SFT2D2: variants seen among roughly 807,000 people sequenced by gnomAD.
SFT2D2 encodes the protein SFT2 domain containing 2, also known as vesicle transport protein SFT2B.
SFT2D2 carries 21 observed loss-of-function variants against 27.4 expected under a neutral mutation model. The ratio of observed to expected loss-of-function variants is 0.77; its 90% CI spans 0.54 to 1.10. The LOEUF is 1.10. Among genes scored for constraint, SFT2D2 ranks in the 50% least tolerant of loss-of-function variants. The pLI, the probability that SFT2D2 is intolerant of heterozygous loss-of-function variation, is 0.00. For missense variants in SFT2D2, 187 were observed against 194.2 expected (o/e 0.96, Z 0.22); for synonymous variants, 72 against 71.7 (o/e 1.00, Z -0.02).
In SFT2D2 at chr1:168,248,084, A is replaced by C. The variant is rs1572458930; in HGVS notation, c.*5544A>C. 2.6e-5 allele frequency: 4 copies of C among 152,266 alleles called. No homozygotes were observed. The East Asian group carries it at 7.7e-4, about 29-fold the overall frequency. 9.4% of individuals were successfully genotyped at this position (152,266 alleles called of 1,614,324 possible). A position where few individuals can be genotyped will look rare whatever the true frequency, so the allele number is the denominator to read the frequency against. On this transcript the variant is annotated 3_prime_UTR_variant, in exon 8 of 8. Transcript: ENST00000271375. ...TGGATCTTAGCCCTTTGTCAGATGG[A>C]TAGATTGCAAAAATTTTCTCCCATT...
Position 168,243,920 on chromosome 1 carries a change from C to A in SFT2D2, c.*1380C>A, listed in dbSNP as rs114039306. On this transcript the variant is annotated 3_prime_UTR_variant, in exon 8 of 8. Coordinates refer to ENST00000271375, the MANE Select transcript of SFT2D2 (RefSeq NM_199344.3). The stretch of plus-strand genomic sequence containing the variant: ...CTGTCCCTTGTGTTCCCTTTCAGCT[C>A]CTCCTTGTTGCCTGACTACGATTAG... 2,304 of 152,592 alleles carry A rather than the reference C, an allele frequency of 0.015. 19 individuals are homozygous for A. Among genetic ancestry groups the A allele is most frequent in the Non-Finnish European group, 0.023 (1,566 of 68,228 alleles). The allele number at this position is 152,592 out of a possible 1,614,324, so 9.5% of individuals were successfully genotyped here.
At position 168,231,495 on chromosome 1, in the gene SFT2D2, T is replaced by C. The variant is rs11588504; in HGVS notation, c.64-19T>C. On this transcript the variant is annotated intron_variant, in intron 1 of 7. Transcript: ENST00000271375. ...TAGTAAATGTGTGTGTATATGTATT[T>C]TTTTTTTTTCAATTTTAGGTTGTTG... The C allele has an allele frequency of 0.61, 958,002 of 1,572,906 alleles. 298,296 individuals carry two copies. The highest frequency in any genetic ancestry group is 0.65 in the Non-Finnish European group (749,777 of 1,146,128).
At chr1:168,232,883 C>T (rs1240676625) in intron 3 of SFT2D2, among the ~76,000 whole-genome samples, 1 of 152,182 alleles carries the variant, frequency 6.6e-6, no homozygotes, top group Non-Finnish European at 1.5e-5. Flanking sequence ...AAGGTGATAT[C>T]TGAGCTGGCC....
intron 6 of SFT2D2, 128 bp from the exon 7 acceptor site, chr1:168,239,003 C>A: frequency 5.4e-6 from 4 of 734,290 alleles, no homozygotes; most frequent in Non-Finnish European, 9.7e-6. Context: ...GCTCATCCCC[C>A]AGGCTGAGTA....
intron 1 of SFT2D2, 80 bp from the exon 2 acceptor site, chr1:168,231,434 C>A: frequency 8.1e-7 from 1 of 1,230,828 alleles, no homozygotes; most frequent in Non-Finnish European, 1.2e-6. Context: ...TACAACTTAA[C>A]ACTTTCTAGA....
chr1:168,231,031 A>G (rs1055565428), intron 1 of SFT2D2, among the ~76,000 whole-genome samples: 1 of 152,216 alleles, frequency 6.6e-6, no homozygotes, highest in Admixed American at 6.5e-5. Context: ...GTGAGAGTTG[A>G]TGTAGGAGAC....
At chr1:168,235,328 G>A (rs1363768133) in intron 4 of SFT2D2, 146 bp downstream of exon 4, 1 of 783,518 alleles carries the variant, frequency 1.3e-6, no homozygotes, top group African/African-American at 1.7e-5. Context: ...TGTGGCAGAA[G>A]GGAACACTCT....
In SFT2D2 at chr1:168,231,609, T is replaced by A; in HGVS notation, c.150+9T>A. 3 of 1,612,844 alleles carry A rather than the reference T, an allele frequency of 1.9e-6. No individual in the cohort carries two copies. The African/African-American group carries it at 4.0e-5, about 22-fold the overall frequency. The stretch of plus-strand genomic sequence containing the variant: ...TTCTCTGCTCACTGCTGGTAAGATT[T>A]CCCTTCCTCCTCTGTCTTTTCCTTC... On this transcript the variant is annotated intron_variant, in intron 2 of 7. Coordinates refer to ENST00000271375, the MANE Select transcript of SFT2D2 (RefSeq NM_199344.3).
intron 6 of SFT2D2, 34 bp from the exon 7 acceptor site, chr1:168,239,097 C>T: frequency 6.4e-7 from 1 of 1,562,998 alleles, no homozygotes; most frequent in Non-Finnish European, 8.8e-7. Context: ...CTCCCTTCAT[C>T]TCATTTGACC....
intron 1 of SFT2D2, among the ~76,000 whole-genome samples, chr1:168,228,734 C>T (rs1010487777): frequency 6.6e-6 from 1 of 152,200 alleles, no homozygotes; most frequent in Non-Finnish European, 1.5e-5. Context: ...GCAAGAGCCC[C>T]TCTTCTCTCC....
Position 168,243,828 on chromosome 1 carries a change from C to G in SFT2D2, c.*1288C>G, listed in dbSNP as rs998346216. On this transcript the variant is annotated 3_prime_UTR_variant, in exon 8 of 8. Transcript: ENST00000271375. ...TTTCCCTCGTTTTCATCAGCCAAGC[C>G]ATCTCCTCCCTGGCCCTCCCTGCCC... is the stretch of plus-strand genomic sequence containing the variant. The G allele has an allele frequency of 6.5e-6, 1 of 153,098 alleles. No individual in the cohort carries two copies. Among genetic ancestry groups the G allele is most frequent in the African/African-American group, 2.4e-5 (1 of 41,442 alleles). 9.5% of individuals were successfully genotyped at this position (153,098 alleles called of 1,614,324 possible). A position where few individuals can be genotyped will look rare whatever the true frequency, so the allele number is the denominator to read the frequency against.
At chr1:168,226,912 T>C (rs1177940176) in intron 1 of SFT2D2, among the ~76,000 whole-genome samples, 4 of 152,000 alleles carry the variant, frequency 2.6e-5, no homozygotes, top group Non-Finnish European at 5.9e-5. Context: ...CTCTGCCTCC[T>C]GGGTTCAAGC....
In SFT2D2 at chr1:168,250,253, T is replaced by C. The variant is rs369611882; in HGVS notation, c.*7713T>C. 6.6e-6 allele frequency: 1 copy of C among 152,252 alleles called. No homozygotes were observed. The highest frequency in any genetic ancestry group is 1.9e-4 in the East Asian group (1 of 5,196). The allele number at this position is 152,252 out of a possible 1,614,324, so 9.4% of individuals were successfully genotyped here. On this transcript the variant is annotated 3_prime_UTR_variant, in exon 8 of 8. Transcript: ENST00000271375. ...TAAGTTGCCTTATTCTTTGGTTGTT[T>C]CCCTACTTGTTTTTGTTAGACTGTG...
At chr1:168,226,772 A>G (rs540154944) in intron 1 of SFT2D2, among the ~76,000 whole-genome samples, 4 of 152,276 alleles carry the variant, frequency 2.6e-5, no homozygotes, top group South Asian at 2.1e-4. Flanking sequence ...CTAGACACCC[A>G]GCGCCTCAGG....
Position 168,249,814 on chromosome 1 carries a change from G to C in SFT2D2, c.*7274G>C, listed in dbSNP as rs1490673534. The C allele has an allele frequency of 6.6e-6, 1 of 152,188 alleles. No homozygotes were observed. The highest frequency in any genetic ancestry group is 1.5e-5 in the Non-Finnish European group (1 of 68,032). The allele number at this position is 152,188 out of a possible 1,614,324, so 9.4% of individuals were successfully genotyped here. ...GAGACGTGTCAAGTGCTTAGAATAG[G>C]GCTTGGCATAAGTAGAGTCTCAGTA... is the stretch of plus-strand genomic sequence containing the variant. On this transcript the variant is annotated 3_prime_UTR_variant, in exon 8 of 8. Transcript: ENST00000271375.
chr1:168,237,531 A>G (rs575627692), intron 6 of SFT2D2, among the ~76,000 whole-genome samples: 1 of 152,336 alleles, frequency 6.6e-6, no homozygotes, highest in Admixed American at 6.5e-5. Flanking sequence ...AAAGTTTATC[A>G]AGGGATGGTA....
chr1:168,242,708 C>T lies in SFT2D2; in HGVS notation c.*168C>T, dbSNP rs1241346800. 9 of 758,468 alleles carry T rather than the reference C, an allele frequency of 1.2e-5. No individual in the cohort carries two copies. The highest frequency in any genetic ancestry group is 1.1e-4 in the East Asian group (4 of 37,750). The allele number at this position is 758,468 out of a possible 1,614,324, so 47.0% of individuals were successfully genotyped here. A position where few individuals can be genotyped will look rare whatever the true frequency, so the allele number is the denominator to read the frequency against. On this transcript the variant is annotated 3_prime_UTR_variant, in exon 8 of 8. Coordinates refer to ENST00000271375, the MANE Select transcript of SFT2D2 (RefSeq NM_199344.3). ...AGGGTTACTTTTGGAAGCAACAATA[C>T]ATTCTCGAACCTGAATGTCAGTAGC...
chr1:168,242,611 T>C lies in SFT2D2; in HGVS notation c.*71T>C, dbSNP rs1283748982. On this transcript the variant is annotated 3_prime_UTR_variant, in exon 8 of 8. Coordinates refer to ENST00000271375, the MANE Select transcript of SFT2D2 (RefSeq NM_199344.3). ...GCTGGTGGACAGTTTTGTAACTATCTTCGAAACCTCTGTCTTACAGACATG... is the reference window on the plus strand; with the variant it reads ...GCTGGTGGACAGTTTTGTAACTATCCTCGAAACCTCTGTCTTACAGACATG... The C allele has an allele frequency of 2.1e-5, 32 of 1,560,704 alleles. No homozygotes were observed. The Admixed American group carries it at 5.3e-4, about 26-fold the overall frequency.
rs1237604428 is a variant in SFT2D2 at position 168,251,716 on chromosome 1, TTAAGTTTTTTTTAG to T, written c.*9181_*9194del. The stretch of plus-strand genomic sequence containing the variant: ...GTTTTTTTTTTTTAATTTAAAAATC[TTAAGTTTTTTTTAG>T]TAAGCTTAAGATGTCCAGTAGTTTA... On this transcript the variant is annotated 3_prime_UTR_variant, in exon 8 of 8. Coordinates refer to ENST00000271375, the MANE Select transcript of SFT2D2 (RefSeq NM_199344.3). 1 of 152,088 alleles carries T rather than the reference TTAAGTTTTTTTTAG, an allele frequency of 6.6e-6. No individual in the cohort carries two copies. Among genetic ancestry groups the T allele is most frequent in the Non-Finnish European group, 1.5e-5 (1 of 68,022 alleles). The allele number at this position is 152,088 out of a possible 1,614,324, so 9.4% of individuals were successfully genotyped here.
Sources: gnomAD v4.1 joint callset for allele counts (sites outside exome capture counted in the v4.1 genomes callset) on GRCh38, gnomAD v4.1.1 for gene constraint, MANE v1.5 for transcripts, NCBI Gene and HGNC (gene_info 2026-07-23, HGNC 2026-07-21) for gene names.